CALN1: variants seen among roughly 807,000 people sequenced by gnomAD.
CALN1 encodes calcium-binding protein 8.
A neutral mutation model predicts 30.6 loss-of-function variants in CALN1; 17 were observed. That is an observed-to-expected ratio of 0.56 (90% CI 0.38 to 0.83). CALN1 has a LOEUF of 0.83. CALN1 is among the 40% of genes least tolerant of loss of function. The probability of loss-of-function intolerance (pLI) is 0.00; values close to 1 mark genes in which losing one functional copy is unlikely to be tolerated. For missense variants in CALN1, 291 were observed against 354.9 expected, an observed-to-expected ratio of 0.82 and a Z score of 1.45; for synonymous variants, 156 against 131.4, an observed-to-expected ratio of 1.19 and a Z score of -1.28.
chr7:71,968,593 G>A (rs1242291687), intron 5 of CALN1, among the ~76,000 whole-genome samples: 1 of 152,040 alleles, frequency 6.6e-6, no homozygotes, highest in Non-Finnish European at 1.5e-5. Context: ...TGCTGGCCAG[G>A]CTGGTATTGA....
intron 1 of CALN1, among the ~76,000 whole-genome samples, chr7:72,434,348 CA>C (rs542641679): frequency 1.4e-3 from 152 of 105,192 alleles, no homozygotes; most frequent in Admixed American, 3.3e-3. Context: ...ACTAAAATAC[CA>C]AAAAAAAAAA....
intron 4 of CALN1, among the ~76,000 whole-genome samples, chr7:72,058,645 C>G (rs972764769): frequency 2.0e-5 from 3 of 152,024 alleles, no homozygotes; most frequent in Admixed American, 6.6e-5. Flanking sequence ...TAGAGAACAC[C>G]CAAGAGTGTC....
At chr7:72,373,664 A>G (rs1214204647) in intron 2 of CALN1, among the ~76,000 whole-genome samples, 3 of 152,332 alleles carry the variant, frequency 2.0e-5, no homozygotes, top group Middle Eastern at 6.8e-3. Context: ...GGTATATTAC[A>G]TGCATTTTCA....
intron 5 of CALN1, among the ~76,000 whole-genome samples, chr7:71,814,117 A>G (rs1466910803): frequency 1.3e-5 from 2 of 152,096 alleles, no homozygotes; most frequent in Non-Finnish European, 2.9e-5. Flanking sequence ...GGTCACTTCT[A>G]GGAAGCAGAA....
intron 4 of CALN1, among the ~76,000 whole-genome samples, chr7:72,078,110 T>C (rs370703346): frequency 8.7e-4 from 133 of 152,322 alleles, no homozygotes; most frequent in African/African-American, 3.1e-3. Flanking sequence ...TTGTTCCAAG[T>C]GCTTGCCCTT....
At chr7:71,963,091 T>C (rs965668443) in intron 5 of CALN1, among the ~76,000 whole-genome samples, 1 of 152,188 alleles carries the variant, frequency 6.6e-6, no homozygotes, top group African/African-American at 2.4e-5. Flanking sequence ...CTGGAAAGTT[T>C]ACTCTTGCTA....
chr7:71,854,336 TA>T (rs1017567001), intron 5 of CALN1, among the ~76,000 whole-genome samples: 2 of 146,696 alleles, frequency 1.4e-5, no homozygotes, highest in Non-Finnish European at 3.0e-5. Context: ...AGACTCCCTC[TA>T]AAAAAATAAC....
intron 3 of CALN1, among the ~76,000 whole-genome samples, chr7:72,188,318 C>T (rs1157745443): frequency 6.6e-6 from 1 of 151,914 alleles, no homozygotes; most frequent in African/African-American, 2.4e-5. Flanking sequence ...TCTCAGTTTA[C>T]GTATACATAT....
intron 3 of CALN1, among the ~76,000 whole-genome samples, chr7:72,133,068 T>C (rs1273170011): frequency 6.6e-6 from 1 of 152,092 alleles, no homozygotes; most frequent in African/African-American, 2.4e-5. Flanking sequence ...CCTGAAACCA[T>C]CCACCCACAA....
At chr7:71,795,501 T>C (rs1448103880) in intron 6 of CALN1, among the ~76,000 whole-genome samples, 1 of 152,254 alleles carries the variant, frequency 6.6e-6, no homozygotes, top group African/African-American at 2.4e-5. Flanking sequence ...AATTGGCCCT[T>C]GTTCTAAAAT....
chr7:72,443,328 C>T (rs1373844349), intron 1 of CALN1, among the ~76,000 whole-genome samples: 1 of 152,166 alleles, frequency 6.6e-6, no homozygotes, highest in Admixed American at 6.6e-5. Context: ...ATGCTCAGTG[C>T]GTATTTGTTC....
intron 3 of CALN1, among the ~76,000 whole-genome samples, chr7:72,273,585 CAT>C (rs1797148314): frequency 6.9e-6 from 1 of 144,262 alleles, no homozygotes; most frequent in Non-Finnish European, 1.5e-5. Context: ...GTAGTACAAT[CAT>C]AGCTTACAGT....
rs1009821136 is a variant in CALN1 at position 71,987,017 on chromosome 7, T to C, written c.501+36640A>G. Among the ~76,000 whole-genome samples the C allele has an allele frequency of 1.1e-4, 17 of 151,796 alleles. No individual in the cohort carries two copies. The East Asian group carries it at 3.1e-3, about 28-fold the overall frequency. On this transcript the variant is annotated intron_variant, in intron 5 of 6. Transcript: ENST00000395275. ...AGTATACGCCTGTAATCCCAGCTAC[T>C]CGGGAGGTGGAGGCAGGAGAATCAC... is the stretch of plus-strand genomic sequence containing the variant.
At chr7:72,358,601 AAT>A (rs1230468567) in intron 2 of CALN1, among the ~76,000 whole-genome samples, 1 of 152,150 alleles carries the variant, frequency 6.6e-6, no homozygotes, top group East Asian at 1.9e-4. Context: ...AGAAAAGCGC[AAT>A]TTGTGAATTC....
At chr7:72,278,176 G>C (rs1797480796) in intron 3 of CALN1, among the ~76,000 whole-genome samples, 1 of 152,030 alleles carries the variant, frequency 6.6e-6, no homozygotes, top group Non-Finnish European at 1.5e-5. Context: ...AAGAAACAGA[G>C]GCAATTAAAA....
Position 72,059,962 on chromosome 7 carries a change from AG to A in CALN1, c.389-36194del, listed in dbSNP as rs1803534454. On this transcript the variant is annotated intron_variant, in intron 4 of 6. Coordinates refer to ENST00000395275, the MANE Select transcript of CALN1 (RefSeq NM_031468.4). ...TAAGTTGTAGTAGCAGGTGATTTGGAGAAGACCTGAATTTAAAGTACCACCA... is the reference window on the plus strand; with the variant it reads ...TAAGTTGTAGTAGCAGGTGATTTGGAAAGACCTGAATTTAAAGTACCACCA... Among the ~76,000 whole-genome samples, 7 of 101,538 alleles carry A rather than the reference AG, an allele frequency of 6.9e-5. No individual in the cohort carries two copies. The South Asian group carries it at 2.6e-3, about 38-fold the overall frequency. The allele number at this position is 101,538 out of a possible 152,430, so 66.6% of individuals were successfully genotyped here.
At chr7:71,903,580 G>C (rs1793977508) in intron 5 of CALN1, among the ~76,000 whole-genome samples, 1 of 152,112 alleles carries the variant, frequency 6.6e-6, no homozygotes, top group Non-Finnish European at 1.5e-5. Flanking sequence ...TTAAATGTAA[G>C]ACCCAAAACT....
At chr7:72,339,844 T>C (rs1276006505) in intron 2 of CALN1, among the ~76,000 whole-genome samples, 3 of 152,194 alleles carry the variant, frequency 2.0e-5, no homozygotes, top group African/African-American at 7.2e-5. Flanking sequence ...GGGGGAGACC[T>C]GTGCCCATGA....
At chr7:72,383,399 T>C (rs1805027950) in intron 2 of CALN1, among the ~76,000 whole-genome samples, 1 of 152,184 alleles carries the variant, frequency 6.6e-6, no homozygotes, top group African/African-American at 2.4e-5. Flanking sequence ...GAGCGTTCCC[T>C]TTTCTCTGCA....
Sources: allele counts gnomAD v4.1 joint callset (sites outside exome capture counted in the v4.1 genomes callset), GRCh38; gene constraint gnomAD v4.1.1; transcripts MANE v1.5; gene names NCBI Gene and HGNC (gene_info 2026-07-23, HGNC 2026-07-21).